Variants in KCNMB4 observed in about 807,000 individuals in gnomAD.
KCNMB4 encodes the protein calcium-activated potassium channel subunit beta-4.
Under a neutral mutation model 20.7 loss-of-function variants are expected in KCNMB4, and 3 were observed. The observed-to-expected ratio is 0.14, with a 90% CI of 0.07 to 0.37. The LOEUF (loss-of-function observed/expected upper bound fraction) is 0.37, where lower values mean the gene tolerates loss of function less well. KCNMB4 is among the 10% of genes least tolerant of loss of function. The probability of loss-of-function intolerance (pLI) is 1.00; values close to 1 mark genes in which losing one functional copy is unlikely to be tolerated. For synonymous variants in KCNMB4, 110 were observed against 113.4 expected, an observed-to-expected ratio of 0.97 and a Z score of 0.19; for missense variants, 168 against 265.9, an observed-to-expected ratio of 0.63 and a Z score of 2.56.
chr12:70,422,651 G>T lies in KCNMB4; in HGVS notation c.465-7834G>T, dbSNP rs559678606. 6.1e-5 allele frequency: 76 copies of T among 1,254,670 alleles called. No homozygotes were observed. In the African/African-American group the frequency reaches 1.1e-3, roughly 18 times the overall value. The allele number at this position is 1,254,670 out of a possible 1,614,324, so 77.7% of individuals were successfully genotyped here. The stretch of plus-strand genomic sequence containing the variant: ...GCTGACTTTAGAATAAAATTCATTC[G>T]TTGATTTGCCTTTTTAAAAAAGACA... On this transcript the variant is annotated intron_variant, in intron 2 of 2. Coordinates refer to ENST00000258111, the MANE Select transcript of KCNMB4 (RefSeq NM_014505.6).
intron 2 of KCNMB4, among the ~76,000 whole-genome samples, chr12:70,402,559 G>T (rs1331390050): frequency 6.8e-6 from 1 of 146,838 alleles, no homozygotes; most frequent in Non-Finnish European, 1.5e-5. Flanking sequence ...TGGGAGGATC[G>T]CTTGGGTCCT....
At chr12:70,424,754 A>C (rs1459884561) in intron 2 of KCNMB4, among the ~76,000 whole-genome samples, 1 of 148,232 alleles carries the variant, frequency 6.7e-6, no homozygotes, top group Admixed American at 6.7e-5. Flanking sequence ...CCGTCTCAAA[A>C]AAAAAAAGAA....
intron 2 of KCNMB4, among the ~76,000 whole-genome samples, chr12:70,402,496 T>C (rs1341345887): frequency 6.6e-6 from 1 of 151,264 alleles, no homozygotes; most frequent in Non-Finnish European, 1.5e-5. Context: ...TTTTAAAAAT[T>C]AGCCAGGCAT....
chr12:70,383,602 C>A (rs1256146778), intron 1 of KCNMB4, among the ~76,000 whole-genome samples: 1 of 152,146 alleles, frequency 6.6e-6, no homozygotes, highest in African/African-American at 2.4e-5. Context: ...GTCCATGCTC[C>A]CCTGAAGGCT....
chr12:70,380,611 G>A (rs1303684037), intron 1 of KCNMB4, among the ~76,000 whole-genome samples: 1 of 151,452 alleles, frequency 6.6e-6, no homozygotes, highest in Admixed American at 6.6e-5. Flanking sequence ...TACTGAATAA[G>A]GATGGACCTA....
intron 2 of KCNMB4, among the ~76,000 whole-genome samples, chr12:70,415,541 A>G (rs1219989904): frequency 1.3e-5 from 2 of 152,234 alleles, no homozygotes; most frequent in Admixed American, 1.3e-4. Flanking sequence ...TGCTATTATA[A>G]CATTTTTTAA....
chr12:70,422,972 C>A (rs376190551), intron 2 of KCNMB4: 1 of 411,318 alleles, frequency 2.4e-6, no homozygotes, highest in Non-Finnish European at 3.5e-6. Flanking sequence ...TCTGAAGGGA[C>A]GGTCATCTTA....
intron 1 of KCNMB4, among the ~76,000 whole-genome samples, chr12:70,395,193 T>C (rs1276913515): frequency 1.3e-5 from 2 of 151,748 alleles, no homozygotes; most frequent in Non-Finnish European, 2.9e-5. Context: ...TTGGAAATCA[T>C]TTAATCAGCT....
chr12:70,372,066 G>T (rs1388665917), intron 1 of KCNMB4, among the ~76,000 whole-genome samples: 2 of 152,198 alleles, frequency 1.3e-5, no homozygotes, highest in South Asian at 2.1e-4. Flanking sequence ...CAGAAGGGAT[G>T]TAAGTAATGA....
intron 1 of KCNMB4, among the ~76,000 whole-genome samples, chr12:70,387,135 T>C (rs899872887): frequency 6.6e-6 from 1 of 152,010 alleles, no homozygotes; most frequent in African/African-American, 2.4e-5. Context: ...ACAAAGCTTA[T>C]TGCTTTCTTA....
chr12:70,410,407 T>C (rs1868739172), intron 2 of KCNMB4, among the ~76,000 whole-genome samples: 1 of 152,240 alleles, frequency 6.6e-6, no homozygotes, highest in Non-Finnish European at 1.5e-5. Context: ...TATCACACTG[T>C]TAAGAGAGTT....
At chr12:70,411,272 T>C (rs1175960775) in intron 2 of KCNMB4, among the ~76,000 whole-genome samples, 1 of 152,152 alleles carries the variant, frequency 6.6e-6, no homozygotes, top group Non-Finnish European at 1.5e-5. Flanking sequence ...GTTAACAGTC[T>C]AGAGCCATTT....
Position 70,366,971 on chromosome 12 carries a change from C to A in KCNMB4, c.237C>A (p.Thr79=). 1 of 1,609,128 alleles carries A rather than the reference C, an allele frequency of 6.2e-7. No homozygotes were observed. The highest frequency in any genetic ancestry group is 8.5e-7 in the Non-Finnish European group (1 of 1,177,736). ...TFTCGADCRG[T]SQYPCVQVYV... ...CCTGTGGCGCCGACTGCAGGGGCAC[C>A]TCGCAGTACCCCTGCGTCCAGGTCT... Residue 79 remains threonine (T), a synonymous_variant, in exon 1 of 3, where the codon ACC becomes ACA. Transcript: ENST00000258111.
chr12:70,425,310 C>T (rs1016497777), intron 2 of KCNMB4, among the ~76,000 whole-genome samples: 6 of 152,094 alleles, frequency 3.9e-5, no homozygotes, highest in South Asian at 2.1e-4. Context: ...TGGTGGTGGG[C>T]GCCTGTAGTC....
At chr12:70,372,403 T>C (rs1051385408) in intron 1 of KCNMB4, among the ~76,000 whole-genome samples, 3 of 152,214 alleles carry the variant, frequency 2.0e-5, no homozygotes, top group African/African-American at 7.2e-5. Context: ...ATGCACACAT[T>C]CTGACTTGTG....
intron 1 of KCNMB4, among the ~76,000 whole-genome samples, chr12:70,398,633 T>TA (rs397805871): frequency 1.8e-3 from 268 of 150,030 alleles, no homozygotes; most frequent in African/African-American, 6.2e-3. Context: ...AATGTCTATA[T>TA]TTTTTAAAAG....
intron 2 of KCNMB4, 152 bp from the exon 3 acceptor site, chr12:70,430,333 T>C: frequency 1.3e-6 from 1 of 749,522 alleles, no homozygotes; most frequent in Non-Finnish European, 2.1e-6. Context: ...TGTAATGGGT[T>C]TGAAGCACAA....
At chr12:70,380,788 A>G (rs1883772716) in intron 1 of KCNMB4, among the ~76,000 whole-genome samples, 1 of 152,228 alleles carries the variant, frequency 6.6e-6, no homozygotes, top group Non-Finnish European at 1.5e-5. Context: ...AATGAAGTTG[A>G]ACTCTGATTG....
chr12:70,425,447 AAAAC>A (rs1318038917), intron 2 of KCNMB4, among the ~76,000 whole-genome samples: 9 of 152,148 alleles, frequency 5.9e-5, no homozygotes, highest in African/African-American at 2.2e-4. Context: ...CAAAAAAACA[AAAAC>A]AAAACAAAAC....
Sources: allele counts gnomAD v4.1 joint callset (sites outside exome capture counted in the v4.1 genomes callset), GRCh38; gene constraint gnomAD v4.1.1; transcripts MANE v1.5; gene names NCBI Gene and HGNC (gene_info 2026-07-23, HGNC 2026-07-21).